TTLL1: variants seen among roughly 807,000 people sequenced by gnomAD.
TTLL1 encodes TTL family tubulin polyglutamylase complex subunit L1.
A neutral mutation model predicts 47.8 loss-of-function variants in TTLL1; 33 were observed. The observed-to-expected ratio is 0.69, with a 90% CI of 0.52 to 0.92. TTLL1 has a LOEUF of 0.92. Among genes scored for constraint, TTLL1 ranks in the 40% least tolerant of loss-of-function variants. The probability of loss-of-function intolerance (pLI) is 0.00; values close to 1 mark genes in which losing one functional copy is unlikely to be tolerated. For missense variants in TTLL1, 488 were observed against 547.5 expected (o/e 0.89, Z 1.08); for synonymous variants, 225 against 214.1 (o/e 1.05, Z -0.45).
At chr22:43,076,326 C>G (rs368060770) in intron 2 of TTLL1, among the ~76,000 whole-genome samples, 1 of 152,024 alleles carries the variant, frequency 6.6e-6, no homozygotes, top group African/African-American at 2.4e-5. Flanking sequence ...TGTGGTTGTG[C>G]GCACCCGTAA....
intron 1 of TTLL1, among the ~76,000 whole-genome samples, chr22:43,084,090 G>C (rs772494505): frequency 6.6e-6 from 1 of 152,036 alleles, no homozygotes. Context: ...CCTTATTCTC[G>C]TCAAAAGGGA....
chr22:43,079,598 G>A (rs1478446159), intron 2 of TTLL1, among the ~76,000 whole-genome samples: 1 of 152,218 alleles, frequency 6.6e-6, no homozygotes, highest in Admixed American at 6.5e-5. Context: ...CTTAAAGCAA[G>A]CATCTTAGTG....
chr22:43,039,924 A>G lies in TTLL1; in HGVS notation c.1143-19T>C, dbSNP rs1925532742. The G allele has an allele frequency of 1.2e-6, 2 of 1,611,336 alleles. No individual in the cohort carries two copies. The highest frequency in any genetic ancestry group is 2.2e-5 in the East Asian group (1 of 44,788). ...ATCATACCTGGAGACAGAAACAGCC[A>G]GGATCACGGCAGGCTCTCTTTCAAA... On this transcript the variant is annotated intron_variant, in intron 10 of 10. Transcript: ENST00000266254.
Position 43,073,359 on chromosome 22 carries a change from ATTTATTTT to A in TTLL1, c.113+2107_113+2114del, listed in dbSNP as rs1431751271. ...TATTTATTTATTTATTTATTTATTTATTTATTTTATTTTTTGAGGTACAGTCTCACTCT... is the reference window on the plus strand; with the variant it reads ...TATTTATTTATTTATTTATTTATTTAATTTTTTGAGGTACAGTCTCACTCT... On this transcript the variant is annotated intron_variant, in intron 3 of 10. Coordinates refer to ENST00000266254, the MANE Select transcript of TTLL1 (RefSeq NM_012263.5). 1.8e-4 allele frequency among the ~76,000 whole-genome samples: 20 copies of A among 110,082 alleles called. No homozygotes were observed. In the East Asian group the frequency reaches 7.2e-3, roughly 40 times the overall value. 72.2% of individuals were successfully genotyped at this position (110,082 alleles called of 152,430 possible).
intron 2 of TTLL1, among the ~76,000 whole-genome samples, chr22:43,077,037 A>C (rs564012300): frequency 1.6e-4 from 25 of 151,528 alleles, no homozygotes; most frequent in Non-Finnish European, 3.1e-4. Flanking sequence ...GGAGGCGGAG[A>C]TTGCAGTGAG....
chr22:43,054,819 G>A (rs1202033172), intron 8 of TTLL1, among the ~76,000 whole-genome samples: 6 of 141,410 alleles, frequency 4.2e-5, no homozygotes, highest in Non-Finnish European at 7.5e-5. Context: ...TCCGCCTCCC[G>A]GGTTCACGCC....
chr22:43,057,953 T>TATA (rs112342213), intron 8 of TTLL1, among the ~76,000 whole-genome samples: 21 of 89,072 alleles, frequency 2.4e-4, no homozygotes, highest in South Asian at 8.1e-4. Context: ...TATATATATA[T>TATA]TTTTTTTTTT....
chr22:43,051,137 G>A (rs1205940928), intron 9 of TTLL1, among the ~76,000 whole-genome samples: 2 of 152,254 alleles, frequency 1.3e-5, no homozygotes, highest in African/African-American at 2.4e-5. Flanking sequence ...TAGAGCCGGA[G>A]TTCTTTTGTC....
In TTLL1 at chr22:43,039,907, T is replaced by C; in HGVS notation, c.1143-2A>G. 4 of 1,613,066 alleles carry C rather than the reference T, an allele frequency of 2.5e-6. No homozygotes were observed. The highest frequency in any genetic ancestry group is 3.4e-6 in the Non-Finnish European group (4 of 1,179,598). On this transcript the variant is annotated splice_acceptor_variant, in intron 10 of 10. Transcript: ENST00000266254. LOFTEE classifies it high-confidence loss of function. ...CCCTGGGCCAATTCTTCATCATACC[T>C]GGAGACAGAAACAGCCAGGATCACG...
intron 8 of TTLL1, among the ~76,000 whole-genome samples, chr22:43,059,137 A>AT (rs1927223347): frequency 1.3e-5 from 2 of 152,124 alleles, no homozygotes; most frequent in South Asian, 4.1e-4. Context: ...TTACACGTGC[A>AT]TGCCACCATG....
At chr22:43,051,660 C>T in intron 9 of TTLL1, 141 bp downstream of exon 9, 2 of 801,356 alleles carry the variant, frequency 2.5e-6, no homozygotes, top group Non-Finnish European at 4.3e-6. Context: ...CATCAGCAAA[C>T]AATCAAACTC....
At chr22:43,042,612 G>A (rs545470285) in intron 10 of TTLL1, among the ~76,000 whole-genome samples, 1 of 152,354 alleles carries the variant, frequency 6.6e-6, no homozygotes, top group African/African-American at 2.4e-5. Context: ...TCTGCTAGAT[G>A]CTGCTGGGCT....
intron 5 of TTLL1, among the ~76,000 whole-genome samples, chr22:43,065,977 G>A (rs1927705066): frequency 1.3e-5 from 2 of 151,808 alleles, no homozygotes; most frequent in African/African-American, 4.8e-5. Context: ...TAACCAACAT[G>A]GTGAAACCCT....
intron 1 of TTLL1, among the ~76,000 whole-genome samples, chr22:43,081,159 G>A (rs530782615): frequency 1.5e-4 from 23 of 151,926 alleles, no homozygotes; most frequent in African/African-American, 5.5e-4. Context: ...CAGGTGATCC[G>A]TCTGCCTCGG....
In TTLL1 at chr22:43,077,471, C is replaced by T. The variant is rs181529645; in HGVS notation, c.-4-1881G>A. 2.6e-3 allele frequency among the ~76,000 whole-genome samples: 390 copies of T among 152,292 alleles called. 3 individuals are homozygous for T. The highest frequency in any genetic ancestry group is 9.0e-3 in the African/African-American group (375 of 41,582). The stretch of plus-strand genomic sequence containing the variant: ...GAGCTCTGTATCAAGCATCTGCTGT[C>T]CCTGCTGGGGGCCAGGGAGCTGGCT... On this transcript the variant is annotated intron_variant, in intron 2 of 10. Coordinates refer to ENST00000266254, the MANE Select transcript of TTLL1 (RefSeq NM_012263.5).
intron 10 of TTLL1, among the ~76,000 whole-genome samples, chr22:43,045,488 T>TTG (rs1926047321): frequency 2.0e-5 from 3 of 149,654 alleles, no homozygotes; most frequent in Admixed American, 6.7e-5. Flanking sequence ...TTTTTTTTTT[T>TTG]TTTGTAGAGA....
chr22:43,058,809 C>T (rs1291195589), intron 8 of TTLL1, among the ~76,000 whole-genome samples: 1 of 152,112 alleles, frequency 6.6e-6, no homozygotes, highest in African/African-American at 2.4e-5. Context: ...ATTCTCCTGC[C>T]TCAGCCTCCC....
intron 10 of TTLL1, 39 bp from the exon 11 acceptor site, chr22:43,039,944 T>G: frequency 6.3e-7 from 1 of 1,599,640 alleles, no homozygotes; most frequent in Middle Eastern, 1.8e-4. Flanking sequence ...CAGGCTCTCT[T>G]TCAAAGGCAA....
intron 2 of TTLL1, among the ~76,000 whole-genome samples, chr22:43,076,355 T>C (rs753639455): frequency 2.0e-5 from 3 of 151,082 alleles, no homozygotes; most frequent in African/African-American, 4.9e-5. Context: ...ACTCGGGAGG[T>C]TGAGGCAGGA....
Sources: allele counts gnomAD v4.1 joint callset (sites outside exome capture counted in the v4.1 genomes callset), GRCh38; gene constraint gnomAD v4.1.1; transcripts MANE v1.5; gene names NCBI Gene and HGNC (gene_info 2026-07-23, HGNC 2026-07-21).